GRID2: variants seen among roughly 807,000 people sequenced by gnomAD.
The protein encoded by GRID2 is glutamate ionotropic receptor delta type subunit 2.
In GRID2, 33 loss-of-function variants were observed where a neutral mutation model predicts 114.8. The observed-to-expected ratio is 0.29, with a 90% CI of 0.22 to 0.38. GRID2 has a LOEUF of 0.38. Among genes scored for constraint, GRID2 ranks in the 10% least tolerant of loss-of-function variants. The probability of loss-of-function intolerance (pLI) is 1.00; values close to 1 mark genes in which losing one functional copy is unlikely to be tolerated. For missense variants in GRID2, 1,184 were observed against 1,257.7 expected (o/e 0.94, Z 0.89); for synonymous variants, 505 against 449.9 (o/e 1.12, Z -1.55).
intron 8 of GRID2, among the ~76,000 whole-genome samples, chr4:93,344,020 C>T (rs1382197364): frequency 1.3e-5 from 2 of 151,964 alleles, no homozygotes; most frequent in Non-Finnish European, 2.9e-5. Flanking sequence ...AGAGCAGTAG[C>T]CATAACATTG....
chr4:93,192,491 C>CA (rs1022040127), intron 4 of GRID2, among the ~76,000 whole-genome samples: 4 of 152,022 alleles, frequency 2.6e-5, no homozygotes, highest in Non-Finnish European at 5.9e-5. Context: ...CCTGTAATCC[C>CA]AGCACTTTGG....
chr4:93,612,413 G>T (rs375078840), intron 13 of GRID2, among the ~76,000 whole-genome samples: 23,475 of 126,552 alleles, frequency 0.19, 2,417 homozygotes, highest in Middle Eastern at 0.25. Flanking sequence ...GTCTCGATGG[G>T]CTTTACATTT....
In GRID2 at chr4:92,777,735, GAAA is replaced by G. The variant is rs766420473; in HGVS notation, c.244+187463_244+187465del. ...GAGATACTAGGAATGCATGTGCACAGAAAAAAAAAAAAAAAAGCCATGTGAGGA... is the reference window on the plus strand; with the variant it reads ...GAGATACTAGGAATGCATGTGCACAGAAAAAAAAAAAAAGCCATGTGAGGA... On this transcript the variant is annotated intron_variant, in intron 2 of 15. Transcript: ENST00000282020. Among the ~76,000 whole-genome samples the G allele has an allele frequency of 8.8e-5, 10 of 113,296 alleles. No homozygotes were observed. The South Asian group carries it at 2.3e-3, about 26-fold the overall frequency. The allele number at this position is 113,296 out of a possible 152,430, so 74.3% of individuals were successfully genotyped here.
chr4:92,537,597 C>G (rs1385763959), intron 1 of GRID2, among the ~76,000 whole-genome samples: 1 of 151,848 alleles, frequency 6.6e-6, no homozygotes, highest in Admixed American at 6.6e-5. Context: ...TACAATCTAC[C>G]CAGAACAAAT....
At chr4:92,438,117 G>A (rs1732827267) in intron 1 of GRID2, among the ~76,000 whole-genome samples, 1 of 152,116 alleles carries the variant, frequency 6.6e-6, no homozygotes, top group South Asian at 2.1e-4. Context: ...TGGTATTGTA[G>A]TTATTTTATA....
chr4:93,247,554 G>A (rs896367875), intron 8 of GRID2, among the ~76,000 whole-genome samples: 1 of 151,888 alleles, frequency 6.6e-6, no homozygotes, highest in Admixed American at 6.6e-5. Flanking sequence ...CCCAGTTCTC[G>A]GGCCTTACAC....
At chr4:93,507,388 A>G (rs759757629) in intron 12 of GRID2, among the ~76,000 whole-genome samples, 11 of 152,188 alleles carry the variant, frequency 7.2e-5, no homozygotes, top group Non-Finnish European at 1.3e-4. Flanking sequence ...GGCTTATTCC[A>G]TTTGTCCATA....
chr4:93,274,748 G>T (rs1280211952), intron 8 of GRID2, among the ~76,000 whole-genome samples: 1 of 152,018 alleles, frequency 6.6e-6, no homozygotes, highest in Non-Finnish European at 1.5e-5. Flanking sequence ...GGCTCCTGCT[G>T]CATGGTTAGA....
intron 14 of GRID2, among the ~76,000 whole-genome samples, chr4:93,753,128 A>G (rs1268761148): frequency 6.6e-6 from 1 of 152,186 alleles, no homozygotes; most frequent in African/African-American, 2.4e-5. Context: ...TACACCTCCT[A>G]TCTACATGCC....
chr4:92,782,002 G>A (rs1156232550), intron 2 of GRID2, among the ~76,000 whole-genome samples: 1 of 151,944 alleles, frequency 6.6e-6, no homozygotes, highest in East Asian at 1.9e-4. Context: ...TATCCTTAAT[G>A]CTTAGTACAG....
chr4:92,688,037 C>CCTTTTTTTTTT lies in GRID2; in HGVS notation c.244+97751_244+97752insCTTTTTTTTTT, dbSNP rs1553916864. Among the ~76,000 whole-genome samples, 307 of 44,616 alleles carry CCTTTTTTTTTT rather than the reference C, an allele frequency of 6.9e-3. 8 individuals carry two copies. Among genetic ancestry groups the CCTTTTTTTTTT allele is most frequent in the East Asian group, 0.012 (23 of 1,886 alleles). 29.3% of individuals were successfully genotyped at this position (44,616 alleles called of 152,430 possible). A position where few individuals can be genotyped will look rare whatever the true frequency, so the allele number is the denominator to read the frequency against. ...GCCACATTGGTTGACCCTTCTTCTT[C>CCTTTTTTTTTT]TTTTTTTTTTTTTTTTTTTTTTTTT... On this transcript the variant is annotated intron_variant, in intron 2 of 15. Transcript: ENST00000282020.
intron 4 of GRID2, among the ~76,000 whole-genome samples, chr4:93,116,334 T>C (rs1733253584): frequency 6.6e-6 from 1 of 152,208 alleles, no homozygotes; most frequent in Admixed American, 6.5e-5. Flanking sequence ...AGAAATAAAT[T>C]ATTCATGCTT....
At chr4:93,591,107 T>C (rs1187840378) in intron 13 of GRID2, among the ~76,000 whole-genome samples, 14 of 144,540 alleles carry the variant, frequency 9.7e-5, no homozygotes, top group East Asian at 2.1e-4. Context: ...ATAGGAGTGG[T>C]GAGAGAGGGC....
intron 2 of GRID2, among the ~76,000 whole-genome samples, chr4:92,729,022 T>C (rs1248747510): frequency 1.3e-5 from 2 of 152,208 alleles, no homozygotes; most frequent in Non-Finnish European, 1.5e-5. Flanking sequence ...GTATTCATTC[T>C]ATAATGCAAC....
chr4:92,345,873 C>A (rs1727737994), intron 1 of GRID2, among the ~76,000 whole-genome samples: 1 of 152,070 alleles, frequency 6.6e-6, no homozygotes, highest in African/African-American at 2.4e-5. Flanking sequence ...TAATTAACCC[C>A]ATAATCAGCA....
intron 11 of GRID2, among the ~76,000 whole-genome samples, chr4:93,471,673 A>G (rs1344470088): frequency 8.3e-6 from 1 of 121,186 alleles, no homozygotes; most frequent in Non-Finnish European, 1.8e-5. Flanking sequence ...TACTTAATTC[A>G]TTGTTATTTC....
intron 8 of GRID2, among the ~76,000 whole-genome samples, chr4:93,296,732 TTGAA>T (rs879596295): frequency 1.3e-5 from 2 of 152,242 alleles, no homozygotes; most frequent in Non-Finnish European, 2.9e-5. Flanking sequence ...AAAAAGAAAC[TTGAA>T]TGAATCTGAC....
chr4:93,613,731 C>G (rs1489284268), intron 13 of GRID2, among the ~76,000 whole-genome samples: 2 of 148,368 alleles, frequency 1.3e-5, no homozygotes, highest in Admixed American at 1.3e-4. Flanking sequence ...CAGACAGGGA[C>G]ACTTAAGTCT....
At chr4:93,297,546 T>C (rs1754443501) in intron 8 of GRID2, among the ~76,000 whole-genome samples, 1 of 152,202 alleles carries the variant, frequency 6.6e-6, no homozygotes. Flanking sequence ...TGAGACATGC[T>C]CAATGTAGTG....
Sources: allele counts gnomAD v4.1 joint callset (sites outside exome capture counted in the v4.1 genomes callset), GRCh38; gene constraint gnomAD v4.1.1; transcripts MANE v1.5; gene names NCBI Gene and HGNC (gene_info 2026-07-23, HGNC 2026-07-21).